The following LCORL variants were observed in gnomAD, a reference collection of about 807,000 sequenced individuals.
The protein encoded by LCORL is ligand-dependent nuclear receptor corepressor-like protein.
LCORL carries 41 observed loss-of-function variants against 141.8 expected under a neutral mutation model. That is an observed-to-expected ratio of 0.29 (90% confidence interval 0.23 to 0.38). The LOEUF is 0.38. LCORL is among the 10% of genes least tolerant of loss of function. LCORL has a pLI of 1.00. For synonymous variants in LCORL, 618 were observed against 694.1 expected (o/e 0.89, Z 1.72); for missense variants, 1,759 against 2,035.0 (o/e 0.86, Z 2.61).
At position 17,874,603 on chromosome 4, in the gene LCORL, G is replaced by T. The variant is rs866673261; in HGVS notation, c.4387C>A (p.His1463Asn). ...TTTTCAATGTGTTCTCTTTTTTTAT[G>T]AATACAATTTTCAGCTTCATCTCCA... Residue 1463 changes from histidine (H) to asparagine (N), a missense_variant, in exon 7 of 8, where the codon CAT becomes AAT. By Grantham distance (68) the His-to-Asn change is moderately conservative. Around this residue, in one of 5 missense-constraint regions of LCORL, gnomAD observed 1,311 missense variants for 1,531.3 expected, o/e 0.86. Coordinates refer to ENST00000635767, the Ensembl canonical transcript of LCORL. 2.4e-6 allele frequency: 3 copies of T among 1,233,572 alleles called. No individual in the cohort carries two copies. The Middle Eastern group carries it at 6.2e-4, about 255-fold the overall frequency. The allele number at this position is 1,233,572 out of a possible 1,614,324, so 76.4% of individuals were successfully genotyped here. A position where few individuals can be genotyped will look rare whatever the true frequency, so the allele number is the denominator to read the frequency against.
At chr4:17,927,231 C>G (rs1735289455) in intron 4 of LCORL, among the ~76,000 whole-genome samples, 1 of 152,152 alleles carries the variant, frequency 6.6e-6, no homozygotes, top group African/African-American at 2.4e-5. Flanking sequence ...CTGAAGCTTC[C>G]TCTCAGCTGT....
chr4:17,912,945 CG>C, intron 4 of LCORL: 1 of 462,794 alleles, frequency 2.2e-6, no homozygotes, highest in Non-Finnish European at 4.2e-6. Flanking sequence ...AAGTGGTGCC[CG>C]AGACCAGTGA....
chr4:17,849,422 G>C (rs1577235672), intron 7 of LCORL, among the ~76,000 whole-genome samples: 1 of 152,260 alleles, frequency 6.6e-6, no homozygotes, highest in East Asian at 1.9e-4. Context: ...ACAGGGTCTG[G>C]AGTGGACCTC....
chr4:18,007,023 G>A (rs1275249489), intron 1 of LCORL, among the ~76,000 whole-genome samples: 1 of 152,110 alleles, frequency 6.6e-6, no homozygotes, highest in East Asian at 1.9e-4. Flanking sequence ...AACTCCTCTT[G>A]TAATAGTCTC....
exon 8 of LCORL, chr4:17,845,717 C>T: frequency 6.3e-7 from 1 of 1,598,208 alleles, no homozygotes; most frequent in Non-Finnish European, 8.5e-7. Flanking sequence ...AGAAGAACTG[C>T]AATCTATTTC....
intron 4 of LCORL, among the ~76,000 whole-genome samples, chr4:17,919,469 C>A (rs1444665006): frequency 6.6e-6 from 1 of 152,128 alleles, no homozygotes; most frequent in Non-Finnish European, 1.5e-5. Flanking sequence ...TAGTAATACA[C>A]ATATTAGATA....
At chr4:17,899,038 T>C (rs182507603) in intron 5 of LCORL, among the ~76,000 whole-genome samples, 31 of 152,282 alleles carry the variant, frequency 2.0e-4, no homozygotes, top group Non-Finnish European at 2.9e-5. Flanking sequence ...ATGAGTATGG[T>C]TTAGAGTATT....
chr4:17,890,278 T>A (rs1179488721), intron 5 of LCORL, among the ~76,000 whole-genome samples: 1 of 152,090 alleles, frequency 6.6e-6, no homozygotes, highest in Non-Finnish European at 1.5e-5. Context: ...TTTTGGTGAA[T>A]AAGTAAACTT....
chr4:17,914,158 G>A (rs557144230), intron 4 of LCORL, among the ~76,000 whole-genome samples: 1 of 152,304 alleles, frequency 6.6e-6, no homozygotes, highest in South Asian at 2.1e-4. Flanking sequence ...GGATTTCAAA[G>A]ATATACCATT....
intron 5 of LCORL, among the ~76,000 whole-genome samples, chr4:17,901,124 G>A (rs1419885437): frequency 6.6e-6 from 1 of 151,546 alleles, no homozygotes; most frequent in Admixed American, 6.6e-5. Context: ...CTAGTTTCAT[G>A]TTTAATCTGA....
intron 1 of LCORL, among the ~76,000 whole-genome samples, chr4:18,007,387 AAACT>A (rs916458615): frequency 2.0e-5 from 3 of 152,226 alleles, no homozygotes; most frequent in African/African-American, 7.2e-5. Context: ...TCAATTAAAC[AAACT>A]ATCTTTTCTC....
At chr4:17,869,295 T>C (rs1300353048) in intron 7 of LCORL, among the ~76,000 whole-genome samples, 3 of 152,104 alleles carry the variant, frequency 2.0e-5, no homozygotes, top group Non-Finnish European at 4.4e-5. Flanking sequence ...TTCTCTCCAT[T>C]CATGGTCAAT....
intron 1 of LCORL, among the ~76,000 whole-genome samples, chr4:18,014,971 G>A (rs1724415511): frequency 6.6e-6 from 1 of 152,130 alleles, no homozygotes; most frequent in South Asian, 2.1e-4. Flanking sequence ...AGCCATGAAT[G>A]CTAGTTATAT....
At chr4:18,016,481 G>T (rs1348944465) in intron 1 of LCORL, among the ~76,000 whole-genome samples, 1 of 152,112 alleles carries the variant, frequency 6.6e-6, no homozygotes, top group African/African-American at 2.4e-5. Flanking sequence ...TGGTATCATG[G>T]TAATCAAGAG....
intron 7 of LCORL, among the ~76,000 whole-genome samples, chr4:17,872,832 A>C (rs967679978): frequency 5.3e-5 from 8 of 152,120 alleles, no homozygotes; most frequent in African/African-American, 1.9e-4. Context: ...CCACTCTTCA[A>C]ATCATCAGTC....
chr4:17,884,475 A>T lies in LCORL; in HGVS notation c.776+1593T>A. 1 of 1,549,162 alleles carries T rather than the reference A, an allele frequency of 6.5e-7. No individual in the cohort carries two copies. The highest frequency in any genetic ancestry group is 8.7e-7 in the Non-Finnish European group (1 of 1,145,992). ...GTGCGCTCTGCTTGAGCTCTTGCCC[A>T]CAAGGCTACTTTTTGCAGCACTGCA... On this transcript the variant is annotated intron_variant, in intron 6 of 7. Coordinates refer to ENST00000635767, the Ensembl canonical transcript of LCORL. The surrounding 1 kb of genome is among the most constrained non-coding windows in gnomAD (Gnocchi z 4.4).
chr4:17,866,943 CT>C, intron 7 of LCORL: 1 of 978,728 alleles, frequency 1.0e-6, no homozygotes, highest in Non-Finnish European at 1.2e-6. Context: ...AACCAATCTC[CT>C]TCTAGCAGGT....
At chr4:17,977,076 A>G (rs1396718593) in intron 1 of LCORL, among the ~76,000 whole-genome samples, 2 of 152,170 alleles carry the variant, frequency 1.3e-5, no homozygotes, top group Admixed American at 1.3e-4. Flanking sequence ...CTTACAGAAC[A>G]GACTCTCTTT....
At chr4:17,915,225 A>G (rs1733209223) in intron 4 of LCORL, among the ~76,000 whole-genome samples, 1 of 152,154 alleles carries the variant, frequency 6.6e-6, no homozygotes, top group Non-Finnish European at 1.5e-5. Context: ...TCATGTGAAG[A>G]AAGATGGAAG....
Sources: allele counts gnomAD v4.1 joint callset (sites outside exome capture counted in the v4.1 genomes callset), GRCh38; gene constraint gnomAD v4.1.1; regional missense constraint gnomAD v4.1.1; non-coding constraint Gnocchi (gnomAD v3.1); transcripts MANE v1.5; gene names NCBI Gene and HGNC (gene_info 2026-07-23, HGNC 2026-07-21).